ATAT1: variants seen among roughly 807,000 people sequenced by gnomAD.
ATAT1 encodes alpha tubulin acetyltransferase 1.
In ATAT1, 42 loss-of-function variants were observed where a neutral mutation model predicts 57.2. The ratio of observed to expected loss-of-function variants is 0.73; its 90% CI spans 0.57 to 0.95. The LOEUF (loss-of-function observed/expected upper bound fraction) is 0.95. Among genes scored for constraint, ATAT1 ranks in the 40% least tolerant of loss-of-function variants. ATAT1 has a pLI of 0.00. For missense variants in ATAT1, 454 were observed against 523.7 expected (o/e 0.87, Z 1.30); for synonymous variants, 168 against 187.1 (o/e 0.90, Z 0.83).
At chr6:30,633,248 A>G (rs572621037) in intron 6 of ATAT1, among the ~76,000 whole-genome samples, 1 of 152,286 alleles carries the variant, frequency 6.6e-6, no homozygotes, top group Admixed American at 6.5e-5. Context: ...GTACATTTTT[A>G]ATATGTTAAT....
rs1213166927 is a variant in ATAT1 at position 30,646,622 on chromosome 6, T to C, written c.1209T>C (p.Arg403=). 6.4e-7 allele frequency: 1 copy of C among 1,568,998 alleles called. No homozygotes were observed. Among genetic ancestry groups the C allele is most frequent in the South Asian group, 1.2e-5 (1 of 85,398 alleles). Reference sequence around the variant, plus strand: ...GGTTCATTCGAAACCTGCAGGAACGTCGCAGCACCAGGCCTTGGTGACCGC... The same window carrying C: ...GGTTCATTCGAAACCTGCAGGAACGCCGCAGCACCAGGCCTTGGTGACCGC... Residue 403 remains arginine (R), a synonymous_variant, in exon 13 of 13, where the codon CGT becomes CGC. Coordinates refer to ENST00000330083, the MANE Select transcript of ATAT1 (RefSeq NM_001031722.4).
intron 6 of ATAT1, among the ~76,000 whole-genome samples, chr6:30,639,368 GTTCT>G (rs1017626003): frequency 1.3e-5 from 2 of 151,914 alleles, no homozygotes; most frequent in Non-Finnish European, 2.9e-5. Context: ...CTTAAATTGT[GTTCT>G]TTTTTGTTCT....
Position 30,646,667 on chromosome 6 carries a change from A to C in ATAT1, c.*24A>C. The C allele has an allele frequency of 6.6e-7, 1 of 1,525,542 alleles. No individual in the cohort carries two copies. The highest frequency in any genetic ancestry group is 2.1e-5 in the Admixed American group (1 of 48,546). The allele number at this position is 1,525,542 out of a possible 1,614,324, so 94.5% of individuals were successfully genotyped here. A position where few individuals can be genotyped will look rare whatever the true frequency, so the allele number is the denominator to read the frequency against. On this transcript the variant is annotated 3_prime_UTR_variant, in exon 13 of 13. Coordinates refer to ENST00000330083, the MANE Select transcript of ATAT1 (RefSeq NM_001031722.4). Reference sequence around the variant, plus strand: ...GACCGCAGCCCCGTCAAACATCTTCAAAGTATTATTTCTCCCTCACTACAG... The same window carrying C: ...GACCGCAGCCCCGTCAAACATCTTCCAAGTATTATTTCTCCCTCACTACAG...
chr6:30,631,117 G>A (rs970951547), intron 6 of ATAT1, among the ~76,000 whole-genome samples: 18 of 152,150 alleles, frequency 1.2e-4, no homozygotes, highest in African/African-American at 3.9e-4. Flanking sequence ...GGGGATGGGA[G>A]TATGTGGGAT....
intron 9 of ATAT1, 38 bp downstream of exon 9, chr6:30,642,285 AC>A: frequency 6.2e-7 from 1 of 1,612,830 alleles, no homozygotes; most frequent in Non-Finnish European, 8.5e-7. Context: ...GGCCTGGGGT[AC>A]CTTAACACAA....
chr6:30,646,207 T>C, intron 12 of ATAT1, 98 bp downstream of exon 12: 1 of 1,512,192 alleles, frequency 6.6e-7, no homozygotes, highest in Non-Finnish European at 8.9e-7. Context: ...TCTTATTGTA[T>C]GAACTGGACA....
At chr6:30,627,595 C>A (rs774785952) in intron 2 of ATAT1, 41 bp from the exon 3 acceptor site, 1 of 1,609,464 alleles carries the variant, frequency 6.2e-7, no homozygotes, top group Non-Finnish European at 8.5e-7. Context: ...CTGGGTCCTT[C>A]GGAGAGACTT....
Position 30,645,897 on chromosome 6 carries a change from G to T in ATAT1, c.935G>T (p.Gly312Val), listed in dbSNP as rs746851121. Residue 312 changes from glycine to valine, a missense_variant and splice_region_variant, in exon 11 of 13, where the codon GGG becomes GTG. By Grantham distance (109) the Gly-to-Val change is moderately radical. Transcript: ENST00000330083. ...ATCATCTCCCATTTCTTCTACAGGG[G>T]GACTCCCCCAGGTCTGGTAGCCCAA... The T allele has an allele frequency of 2.7e-6, 4 of 1,486,896 alleles. No homozygotes were observed. The East Asian group carries it at 9.5e-5, about 35-fold the overall frequency. The allele number at this position is 1,486,896 out of a possible 1,614,324, so 92.1% of individuals were successfully genotyped here.
chr6:30,646,058 T>C lies in ATAT1; in HGVS notation c.1013-9T>C, dbSNP rs1766671923. On this transcript the variant is annotated splice_polypyrimidine_tract_variant and intron_variant, in intron 11 of 12. Coordinates refer to ENST00000330083, the MANE Select transcript of ATAT1 (RefSeq NM_001031722.4). The stretch of plus-strand genomic sequence containing the variant: ...TGCCTTCCCATTCACATGCCTGATA[T>C]TTCCACAGGCAACCAAGACTCCAAG... 3 of 1,610,952 alleles carry C rather than the reference T, an allele frequency of 1.9e-6. No homozygotes were observed. Among genetic ancestry groups the C allele is most frequent in the East Asian group, 2.2e-5 (1 of 44,810 alleles).
At chr6:30,634,887 C>G (rs1352686457) in intron 6 of ATAT1, among the ~76,000 whole-genome samples, 3 of 151,970 alleles carry the variant, frequency 2.0e-5, no homozygotes, top group South Asian at 2.1e-4. Flanking sequence ...ACTTGGGAGG[C>G]TGAGGCAGGA....
At chr6:30,636,313 G>A (rs1764059869) in intron 6 of ATAT1, among the ~76,000 whole-genome samples, 2 of 152,130 alleles carry the variant, frequency 1.3e-5, no homozygotes, top group Non-Finnish European at 2.9e-5. Flanking sequence ...GGCCAGGCGT[G>A]GTGGCTCACA....
In ATAT1 at chr6:30,646,775, T is replaced by C. The variant is rs1766805733; in HGVS notation, c.*132T>C. The C allele has an allele frequency of 1.5e-6, 2 of 1,306,096 alleles. No individual in the cohort carries two copies. The highest frequency in any genetic ancestry group is 3.5e-5 in the South Asian group (2 of 57,144). The allele number at this position is 1,306,096 out of a possible 1,614,324, so 80.9% of individuals were successfully genotyped here. On this transcript the variant is annotated 3_prime_UTR_variant, in exon 13 of 13. Coordinates refer to ENST00000330083, the MANE Select transcript of ATAT1 (RefSeq NM_001031722.4). Reference sequence around the variant, plus strand: ...CAGCAGGCTTATCAGATTCAAGTCATTTGTATCTTTTAACCAGACCAATAA... The same window carrying C: ...CAGCAGGCTTATCAGATTCAAGTCACTTGTATCTTTTAACCAGACCAATAA...
In ATAT1 at chr6:30,628,038, C is replaced by T. The variant is rs775584840; in HGVS notation, c.292C>T (p.Arg98Cys). The T allele has an allele frequency of 9.9e-6, 16 of 1,612,628 alleles. No homozygotes were observed. Among genetic ancestry groups the T allele is most frequent in the Middle Eastern group, 1.6e-4 (1 of 6,084 alleles). ...TTTATTGTTTCTCTCTTAGGATGATCGTGAGGCTCATAATGAGGTAGAACC... is the reference window on the plus strand; with the variant it reads ...TTTATTGTTTCTCTCTTAGGATGATTGTGAGGCTCATAATGAGGTAGAACC... Residue 98 changes from arginine (R) to cysteine (C), a missense_variant, in exon 5 of 13, where the codon CGT becomes TGT. Arg to Cys is a radical substitution (Grantham distance 180). Coordinates refer to ENST00000330083, the MANE Select transcript of ATAT1 (RefSeq NM_001031722.4).
chr6:30,642,655 A>AG, intron 9 of ATAT1, 113 bp from the exon 10 acceptor site: 1 of 786,698 alleles, frequency 1.3e-6, no homozygotes, highest in Non-Finnish European at 2.0e-6. Flanking sequence ...AAAAGAAAAA[A>AG]AAAAAAAAGA....
rs138775702 is a variant in ATAT1 at position 30,626,926 on chromosome 6, G to A, written c.-278G>A. ...GATGTGGACGCGCTGTTCCCGGAGC[G>A]GATCACGGTGCTGGACCAGCACCTG... is the stretch of plus-strand genomic sequence containing the variant. On this transcript the variant is annotated 5_prime_UTR_variant, in exon 1 of 13. Coordinates refer to ENST00000330083, the MANE Select transcript of ATAT1 (RefSeq NM_001031722.4). 3.2e-4 allele frequency: 509 copies of A among 1,609,616 alleles called. 6 individuals carry two copies. In the African/African-American group the frequency reaches 5.2e-3, roughly 16 times the overall value.
At position 30,642,831 on chromosome 6, in the gene ATAT1, C is replaced by CGGGGGGGCG; in HGVS notation, c.752_753insGGGGGGGCG (p.Pro251_Ala252insGlyGlyArg). 1 of 1,583,214 alleles carries CGGGGGGGCG rather than the reference C, an allele frequency of 6.3e-7. No individual in the cohort carries two copies. Among genetic ancestry groups the CGGGGGGGCG allele is most frequent in the Non-Finnish European group, 8.6e-7 (1 of 1,162,440 alleles). On this transcript the variant is annotated inframe_insertion, in exon 10 of 13. Transcript: ENST00000330083. Reference sequence around the variant, plus strand: ...AGGGCCCCTCGCCGCGCCACACCTCCAGCCCACCCACCCCCCCGCTCCAGC... The same window carrying CGGGGGGGCG: ...AGGGCCCCTCGCCGCGCCACACCTCCGGGGGGGCGAGCCCACCCACCCCCCCGCTCCAGC...
intron 9 of ATAT1, 22 bp from the exon 10 acceptor site, chr6:30,642,746 T>C (rs371195668): frequency 4.0e-6 from 6 of 1,481,924 alleles, no homozygotes; most frequent in Non-Finnish European, 5.6e-6. Context: ...TCTGTCTTGC[T>C]CTTCATTCTC....
At chr6:30,641,633 C>G (rs1178687296) in intron 8 of ATAT1, among the ~76,000 whole-genome samples, 1 of 151,354 alleles carries the variant, frequency 6.6e-6, no homozygotes, top group Admixed American at 6.6e-5. Context: ...CTTTCAGATG[C>G]CCATATTTAT....
chr6:30,630,104 T>C (rs1458391618), intron 6 of ATAT1, among the ~76,000 whole-genome samples: 2 of 152,030 alleles, frequency 1.3e-5, no homozygotes, highest in East Asian at 3.9e-4. Context: ...AATGGTTTAC[T>C]CAATGAAACA....
Sources: allele counts gnomAD v4.1 joint callset (sites outside exome capture counted in the v4.1 genomes callset), GRCh38; gene constraint gnomAD v4.1.1; transcripts MANE v1.5; gene names NCBI Gene and HGNC (gene_info 2026-07-23, HGNC 2026-07-21).